The following PACRG variants were observed in gnomAD, a reference collection of about 807,000 sequenced individuals.
PACRG encodes parkin coregulated, also known as parkin coregulated gene protein.
A neutral mutation model predicts 29.7 loss-of-function variants in PACRG; 29 were observed. That is an observed-to-expected ratio of 0.98 (90% CI 0.73 to 1.33). The LOEUF (loss-of-function observed/expected upper bound fraction) is 1.33, where lower values mean the gene tolerates loss of function less well. PACRG is among the 40% of genes most tolerant of loss of function. PACRG has a pLI of 0.00. For synonymous variants in PACRG, 116 were observed against 118.7 expected, an observed-to-expected ratio of 0.98 and a Z score of 0.15; for missense variants, 279 against 316.2, an observed-to-expected ratio of 0.88 and a Z score of 0.89.
At chr6:163,159,679 TAC>T (rs1778471386) in intron 4 of PACRG, among the ~76,000 whole-genome samples, 1 of 152,198 alleles carries the variant, frequency 6.6e-6, no homozygotes, top group Non-Finnish European at 1.5e-5. Context: ...TTGACCCAAT[TAC>T]TTGTCCTTTC....
chr6:163,190,399 GA>G (rs1327167753), intron 4 of PACRG: 3 of 152,158 alleles, frequency 2.0e-5, no homozygotes, highest in Non-Finnish European at 4.4e-5. Context: ...AGTGAAAATA[GA>G]GGTCGGCGCA....
chr6:163,131,643 A>G (rs1405604310), intron 4 of PACRG, among the ~76,000 whole-genome samples: 1 of 89,050 alleles, frequency 1.1e-5, no homozygotes, highest in African/African-American at 2.8e-5. Flanking sequence ...CAACAGCTGT[A>G]AGAAACTAAC....
At chr6:163,144,224 G>A (rs1205659) in intron 4 of PACRG, among the ~76,000 whole-genome samples, 40,474 of 125,582 alleles carry the variant, frequency 0.32, 6,421 homozygotes, top group East Asian at 0.54. Flanking sequence ...GTGAGACTCC[G>A]TCTCAAAACA....
chr6:162,872,238 CAGTGTCA>C lies in PACRG; in HGVS notation c.291+57958_291+57964del, dbSNP rs1400293689. On this transcript the variant is annotated intron_variant, in intron 2 of 4. Coordinates refer to ENST00000366888, the MANE Select transcript of PACRG (RefSeq NM_001080379.2). Reference sequence around the variant, plus strand: ...AAGTTCTCTATGAGAGCTCAGTGCTCAGTGTCATTGGAAGACAGTAGACAGCGGTATT... The same window carrying C: ...AAGTTCTCTATGAGAGCTCAGTGCTCTTGGAAGACAGTAGACAGCGGTATT... 2.2e-3 allele frequency among the ~76,000 whole-genome samples: 262 copies of C among 117,338 alleles called. 1 individual carries two copies. The highest frequency in any genetic ancestry group is 3.5e-3 in the Non-Finnish European group (192 of 54,710). 77.0% of individuals were successfully genotyped at this position (117,338 alleles called of 152,430 possible). A position where few individuals can be genotyped will look rare whatever the true frequency, so the allele number is the denominator to read the frequency against.
intron 4 of PACRG, among the ~76,000 whole-genome samples, chr6:163,268,117 T>C (rs1000011694): frequency 6.6e-6 from 1 of 152,116 alleles, no homozygotes; most frequent in Non-Finnish European, 1.5e-5. Flanking sequence ...AGTGTTGAAA[T>C]TGGCCTGGCG....
At chr6:162,857,807 G>T (rs1345819869) in intron 2 of PACRG, among the ~76,000 whole-genome samples, 2 of 150,006 alleles carry the variant, frequency 1.3e-5, no homozygotes, top group Non-Finnish European at 3.0e-5. Context: ...TAATAAACTA[G>T]ATCTAAGATA....
chr6:162,747,339 T>C (rs1429485092), intron 1 of PACRG, among the ~76,000 whole-genome samples: 1 of 68,530 alleles, frequency 1.5e-5, no homozygotes, highest in Non-Finnish European at 2.4e-5. Context: ...TATATATATA[T>C]ATATATATAT....
intron 2 of PACRG, among the ~76,000 whole-genome samples, chr6:162,861,611 G>A (rs1301296540): frequency 1.3e-5 from 2 of 152,088 alleles, no homozygotes; most frequent in Admixed American, 6.5e-5. Context: ...CACCACAGAG[G>A]GAACGTGGAA....
intron 4 of PACRG, among the ~76,000 whole-genome samples, chr6:163,261,372 C>T (rs1278208885): frequency 9.2e-5 from 14 of 152,094 alleles, no homozygotes; most frequent in Non-Finnish European, 1.6e-4. Context: ...TTTTAAACCC[C>T]GCATGCATTA....
At chr6:162,855,267 G>T (rs141989575) in intron 2 of PACRG, among the ~76,000 whole-genome samples, 33 of 152,306 alleles carry the variant, frequency 2.2e-4, no homozygotes, top group Admixed American at 1.3e-3. Flanking sequence ...CACACAAAAA[G>T]AACACAGTAC....
At chr6:163,041,217 G>A (rs922865841) in intron 2 of PACRG, among the ~76,000 whole-genome samples, 17 of 152,060 alleles carry the variant, frequency 1.1e-4, no homozygotes, top group Non-Finnish European at 2.1e-4. Flanking sequence ...GGCGCCTGTA[G>A]TCCCAGCTAC....
chr6:163,173,771 A>G (rs1156452984), intron 4 of PACRG, among the ~76,000 whole-genome samples: 2 of 152,246 alleles, frequency 1.3e-5, no homozygotes, highest in Admixed American at 1.3e-4. Context: ...TTCCCAGCTC[A>G]GGAGCTTTCA....
Position 163,055,179 on chromosome 6 carries a change from ATGTGGAAATGGAGCGGGGACCGGGGACAG to A in PACRG, c.292-6956_292-6928del, listed in dbSNP as rs1437440122. On this transcript the variant is annotated intron_variant, in intron 2 of 4. Coordinates refer to ENST00000366888, the MANE Select transcript of PACRG (RefSeq NM_001080379.2). This position sits in a 1 kb window ranked among gnomAD's most constrained non-coding sequence, Gnocchi z 4.0. ...TTGAAAAACTTTACTATGAAGAATA[ATGTGGAAATGGAGCGGGGACCGGGGACAG>A]TGTGGAAATGGAGCCGTGACTGGGG... is the stretch of plus-strand genomic sequence containing the variant. Among the ~76,000 whole-genome samples, 6 of 152,304 alleles carry A rather than the reference ATGTGGAAATGGAGCGGGGACCGGGGACAG, an allele frequency of 3.9e-5. No individual in the cohort carries two copies. Among genetic ancestry groups the A allele is most frequent in the South Asian group, 2.1e-4 (1 of 4,824 alleles).
At chr6:162,825,604 A>G (rs1194440627) in intron 2 of PACRG, among the ~76,000 whole-genome samples, 1 of 152,000 alleles carries the variant, frequency 6.6e-6, no homozygotes, top group Non-Finnish European at 1.5e-5. Flanking sequence ...TTCTCACTTT[A>G]TGGTTTCTCT....
chr6:163,183,260 A>T (rs2763995), intron 4 of PACRG: 50,768 of 148,236 alleles, frequency 0.34, 9,596 homozygotes, highest in Middle Eastern at 0.46. Flanking sequence ...CTCGAAGGGC[A>T]TGGAAGGGCA....
At chr6:162,793,616 G>A (rs1008712234) in intron 1 of PACRG, among the ~76,000 whole-genome samples, 1 of 152,180 alleles carries the variant, frequency 6.6e-6, no homozygotes, top group Non-Finnish European at 1.5e-5. Flanking sequence ...GCATTTAGCA[G>A]GCATCATTAG....
At chr6:163,256,050 A>T (rs1488128694) in intron 4 of PACRG, among the ~76,000 whole-genome samples, 1 of 152,228 alleles carries the variant, frequency 6.6e-6, no homozygotes, top group Non-Finnish European at 1.5e-5. Flanking sequence ...GAAAGTTATT[A>T]TCCTTCCAGA....
chr6:163,148,961 CGGGGGGGGGGGGG>C (rs58611407), intron 4 of PACRG, among the ~76,000 whole-genome samples: 1 of 9,062 alleles, frequency 1.1e-4, no homozygotes, highest in South Asian at 6.2e-3. Flanking sequence ...AAATCTATGG[CGGGGGGGGGGGGG>C]GGGGGGGTGG....
chr6:163,295,064 A>G (rs372441709), intron 4 of PACRG, among the ~76,000 whole-genome samples: 2 of 152,238 alleles, frequency 1.3e-5, no homozygotes, highest in African/African-American at 4.8e-5. Context: ...AGCTAAATGT[A>G]TTTAAATGCT....
Sources: gnomAD v4.1 joint callset for allele counts (sites outside exome capture counted in the v4.1 genomes callset) on GRCh38, gnomAD v4.1.1 for gene constraint, Gnocchi (gnomAD v3.1) non-coding constraint, MANE v1.5 for transcripts, NCBI Gene and HGNC (gene_info 2026-07-23, HGNC 2026-07-21) for gene names.